The following EXOC6 variants were observed in gnomAD, a reference collection of about 807,000 sequenced individuals.
EXOC6 encodes the protein exocyst complex component 6, also known as SEC15-like 1.
A neutral mutation model predicts 112.5 loss-of-function variants in EXOC6; 60 were observed. The observed-to-expected ratio is 0.53, with a 90% confidence interval of 0.43 to 0.66. The LOEUF is 0.66. EXOC6 is among the 30% of genes least tolerant of loss of function. The pLI is 0.00. For synonymous variants in EXOC6, 295 were observed against 308.0 expected (o/e 0.96, Z 0.44); for missense variants, 855 against 957.1 (o/e 0.89, Z 1.41).
At chr10:92,959,702 C>T (rs1229203220) in intron 17 of EXOC6, among the ~76,000 whole-genome samples, 1 of 152,098 alleles carries the variant, frequency 6.6e-6, no homozygotes, top group African/African-American at 2.4e-5. Context: ...GGGCCAAAGA[C>T]CTTAACATAT....
rs561942368 is a variant in EXOC6, at chr10:92,989,732, G to A, written c.1954-7742G>A. 3.3e-5 allele frequency among the ~76,000 whole-genome samples: 5 copies of A among 152,254 alleles called. No homozygotes were observed. The East Asian group carries it at 9.6e-4, about 29-fold the overall frequency. ...GATGAACCATATAATTCAACATACA[G>A]AAGTGATATTCAGAAGTAAAACTGA... is the stretch of plus-strand genomic sequence containing the variant. On this transcript the variant is annotated intron_variant, in intron 18 of 21. Coordinates refer to ENST00000260762, the MANE Select transcript of EXOC6 (RefSeq NM_019053.6).
intron 1 of EXOC6, among the ~76,000 whole-genome samples, chr10:92,864,691 TTCTC>T (rs1848091132): frequency 1.3e-5 from 2 of 152,116 alleles, no homozygotes; most frequent in South Asian, 4.2e-4. Flanking sequence ...GGTGAATTCT[TTCTC>T]TCTTCTTAAG....
At chr10:92,847,064 C>T (rs574759031), upstream of EXOC6, among the ~76,000 whole-genome samples, 14 of 152,158 alleles carry the variant, frequency 9.2e-5, no homozygotes, top group African/African-American at 2.7e-4. Flanking sequence ...CAAATTCTCC[C>T]GCAGAGTCTC....
intron 9 of EXOC6, among the ~76,000 whole-genome samples, chr10:92,933,789 T>G (rs543775955): frequency 6.6e-6 from 1 of 152,192 alleles, no homozygotes; most frequent in South Asian, 2.1e-4. Context: ...CTGGAAAATA[T>G]CATTCTGGCA....
intron 1 of EXOC6, among the ~76,000 whole-genome samples, chr10:92,889,991 A>G (rs1158500276): frequency 2.6e-5 from 4 of 152,178 alleles, no homozygotes; most frequent in Non-Finnish European, 5.9e-5. Context: ...GGATCAGTTT[A>G]TCGATGTCTG....
chr10:92,899,637 G>A lies in EXOC6; in HGVS notation c.451G>A (p.Ala151Thr), dbSNP rs202117637. Reference protein sequence around the residue: ...MYSKLKEQMSAKRYYSALKTM... With the variant: ...MYSKLKEQMSTKRYYSALKTM... ...CAGTAAGCTGAAAGAACAGATGAGTGCCAAAAGGTGAGTTGGTTTTTTTCC... is the reference window on the plus strand; with the variant it reads ...CAGTAAGCTGAAAGAACAGATGAGTACCAAAAGGTGAGTTGGTTTTTTTCC... Residue 151 changes from alanine (A) to threonine (T), a missense_variant, in exon 5 of 22, where the codon GCC becomes ACC. Ala to Thr is a moderately conservative substitution (Grantham distance 58). Transcript: ENST00000260762. The A allele has an allele frequency of 3.9e-5, 63 of 1,608,034 alleles. No individual in the cohort carries two copies. The highest frequency in any genetic ancestry group is 4.2e-5 in the Non-Finnish European group (50 of 1,176,988).
At chr10:93,047,985 G>T (rs1448747731) in intron 20 of EXOC6, among the ~76,000 whole-genome samples, 1 of 152,046 alleles carries the variant, frequency 6.6e-6, no homozygotes, top group Non-Finnish European at 1.5e-5. Context: ...TGAGAGAAAA[G>T]ACACAAAGCA....
At chr10:92,832,117 T>C (rs982313287), upstream of EXOC6, among the ~76,000 whole-genome samples, 1 of 152,248 alleles carries the variant, frequency 6.6e-6, no homozygotes, top group African/African-American at 2.4e-5. Flanking sequence ...CATGTATTTA[T>C]GTATTTTCAG....
At chr10:92,899,839 T>C in intron 5 of EXOC6, 195 bp downstream of exon 5, 1 of 462,788 alleles carries the variant, frequency 2.2e-6, no homozygotes, top group Non-Finnish European at 3.8e-6. Context: ...TCATTGTCCT[T>C]TATAAATGAT....
At chr10:92,999,129 C>G in intron 19 of EXOC6, 1 of 350,028 alleles carries the variant, frequency 2.9e-6, no homozygotes, top group Non-Finnish European at 5.4e-6. Context: ...ACCTCAGCCT[C>G]CCAAAGTGCT....
chr10:92,959,042 C>T (rs540233779), intron 17 of EXOC6, among the ~76,000 whole-genome samples: 25 of 151,844 alleles, frequency 1.6e-4, no homozygotes, highest in African/African-American at 6.0e-4. Context: ...TGCAGTGAGC[C>T]GAGATCATAC....
intron 20 of EXOC6, among the ~76,000 whole-genome samples, chr10:93,027,027 T>G: frequency 6.6e-6 from 1 of 152,250 alleles, no homozygotes; most frequent in Admixed American, 6.5e-5. Context: ...TACAAAGAAA[T>G]AATTATTGAA....
At chr10:92,899,924 C>CAT (rs1354392462) in intron 5 of EXOC6, 4 of 308,108 alleles carry the variant, frequency 1.3e-5, no homozygotes, top group Non-Finnish European at 2.4e-5. Flanking sequence ...TACCAACATA[C>CAT]TAATATTGCA....
intron 1 of EXOC6, among the ~76,000 whole-genome samples, chr10:92,865,546 G>A (rs889387943): frequency 1.3e-5 from 2 of 150,462 alleles, no homozygotes; most frequent in Non-Finnish European, 3.0e-5. Flanking sequence ...GGGCTCAAGC[G>A]ATCTCTCGCC....
chr10:92,841,590 G>A (rs1428673256), intron 1 of EXOC6, among the ~76,000 whole-genome samples: 1 of 152,206 alleles, frequency 6.6e-6, no homozygotes, highest in African/African-American at 2.4e-5. Context: ...AATGTCTTAT[G>A]AGACTCGGCT....
At chr10:92,961,238 A>G (rs982033385) in intron 17 of EXOC6, among the ~76,000 whole-genome samples, 2 of 152,056 alleles carry the variant, frequency 1.3e-5, no homozygotes, top group African/African-American at 2.4e-5. Context: ...CTGATTACTT[A>G]TATGCTTTTT....
At chr10:93,055,673 G>A (rs1380457809) in intron 20 of EXOC6, among the ~76,000 whole-genome samples, 2 of 139,812 alleles carry the variant, frequency 1.4e-5, no homozygotes, top group African/African-American at 5.3e-5. Flanking sequence ...CTTTAACATT[G>A]TCTCAGTATA....
intron 17 of EXOC6, among the ~76,000 whole-genome samples, chr10:92,967,240 C>T (rs1842107819): frequency 6.6e-6 from 1 of 151,958 alleles, no homozygotes; most frequent in Non-Finnish European, 1.5e-5. Flanking sequence ...TTGTAGGTTG[C>T]CTGTTCACTC....
At chr10:92,840,874 T>G (rs1031698608) in intron 1 of EXOC6, among the ~76,000 whole-genome samples, 10 of 151,990 alleles carry the variant, frequency 6.6e-5, no homozygotes, top group African/African-American at 2.4e-4. Flanking sequence ...TCCAGGCTGG[T>G]CTTGAACTTC....
Sources: gnomAD v4.1 joint callset for allele counts (sites outside exome capture counted in the v4.1 genomes callset) on GRCh38, gnomAD v4.1.1 for gene constraint, MANE v1.5 for transcripts, NCBI Gene and HGNC (gene_info 2026-07-23, HGNC 2026-07-21) for gene names.